Variants in ZNF678 observed in about 807,000 individuals in gnomAD.
The protein encoded by ZNF678 is hypothetical protein MGC42493.
A neutral mutation model predicts 3.0 loss-of-function variants in ZNF678; 5 were observed. The observed-to-expected ratio is 1.69, with a 90% CI of 0.88 to 3.56. The LOEUF (loss-of-function observed/expected upper bound fraction) is 3.56. ZNF678 is among the 30% of genes most tolerant of loss of function. The pLI is 0.00. For synonymous variants in ZNF678, 218 were observed against 199.6 expected (o/e 1.09, Z -0.78); for missense variants, 593 against 605.0 (o/e 0.98, Z 0.21).
chr1:227,632,079 A>G (rs540467037), intron 1 of ZNF678, among the ~76,000 whole-genome samples: 46 of 152,282 alleles, frequency 3.0e-4, no homozygotes, highest in Admixed American at 1.6e-3. Context: ...TGGGAGAGCA[A>G]TCTTCCTAGC....
intron 3 of ZNF678, among the ~76,000 whole-genome samples, chr1:227,653,500 T>G (rs1039396606): frequency 2.0e-5 from 3 of 152,124 alleles, no homozygotes; most frequent in African/African-American, 7.2e-5. Context: ...TTATTTTGTT[T>G]CCTTGATTGG....
In ZNF678 at chr1:227,638,961, A is replaced by C. The variant is rs989502762; in HGVS notation, c.-163-7583A>C. Reference sequence around the variant, plus strand: ...TGGCCTACTTGCCACCATCAGGGTTACCACTTGGCTCGGATGAAGCGATGG... The same window carrying C: ...TGGCCTACTTGCCACCATCAGGGTTCCCACTTGGCTCGGATGAAGCGATGG... On this transcript the variant is annotated intron_variant, in intron 1 of 3. Transcript: ENST00000343776. This position sits in a 1 kb window ranked among gnomAD's most constrained non-coding sequence, Gnocchi z 4.2. Among the ~76,000 whole-genome samples, 1 of 152,182 alleles carries C rather than the reference A, an allele frequency of 6.6e-6. No individual in the cohort carries two copies. The highest frequency in any genetic ancestry group is 2.4e-5 in the African/African-American group (1 of 41,440).
chr1:227,622,809 G>A (rs1045876076), intron 1 of ZNF678, among the ~76,000 whole-genome samples: 1 of 152,136 alleles, frequency 6.6e-6, no homozygotes, highest in African/African-American at 2.4e-5. Flanking sequence ...AATTCTCTAG[G>A]AGCCCCCAGC....
At chr1:227,617,278 C>T (rs1048772950) in intron 1 of ZNF678, among the ~76,000 whole-genome samples, 3 of 152,188 alleles carry the variant, frequency 2.0e-5, no homozygotes, top group Non-Finnish European at 4.4e-5. Context: ...AGCAGCACTC[C>T]ATTATCAAAT....
At chr1:227,633,122 G>A (rs1402410604) in intron 1 of ZNF678, among the ~76,000 whole-genome samples, 5 of 152,174 alleles carry the variant, frequency 3.3e-5, no homozygotes, top group African/African-American at 9.7e-5. Context: ...ACACCCTGCC[G>A]GATCCGGAGG....
In ZNF678 at chr1:227,638,453, G is replaced by T. The variant is rs1658735925; in HGVS notation, c.-163-8091G>T. On this transcript the variant is annotated intron_variant, in intron 1 of 3. Coordinates refer to ENST00000343776, the MANE Select transcript of ZNF678 (RefSeq NM_001367909.1). This position sits in a 1 kb window ranked among gnomAD's most constrained non-coding sequence, Gnocchi z 4.2. The stretch of plus-strand genomic sequence containing the variant: ...GGAGGTGAGAAACGATAGGCTTTAG[G>T]CCTACAAGAGCTGCTTGGGGGATGG... 6.6e-6 allele frequency among the ~76,000 whole-genome samples: 1 copy of T among 152,190 alleles called. No homozygotes were observed. Among genetic ancestry groups the T allele is most frequent in the African/African-American group, 2.4e-5 (1 of 41,436 alleles).
rs1290296229 is a variant in ZNF678 at position 227,659,382 on chromosome 1, C to T, written c.*3554C>T. 6.6e-6 allele frequency: 1 copy of T among 152,066 alleles called. No individual in the cohort carries two copies. The highest frequency in any genetic ancestry group is 1.5e-5 in the Non-Finnish European group (1 of 68,008). 9.4% of individuals were successfully genotyped at this position (152,066 alleles called of 1,614,324 possible). A position where few individuals can be genotyped will look rare whatever the true frequency, so the allele number is the denominator to read the frequency against. On this transcript the variant is annotated 3_prime_UTR_variant, in exon 4 of 4. Transcript: ENST00000343776. ...AGAGAGCTTTTGGATTGAAATATTT[C>T]CTTGGTGATTTTGGATGCAAACCTG...
At chr1:227,604,571 G>A (rs896561991) in intron 1 of ZNF678, among the ~76,000 whole-genome samples, 1 of 151,988 alleles carries the variant, frequency 6.6e-6, no homozygotes, top group Non-Finnish European at 1.5e-5. Flanking sequence ...GTATTTTTTA[G>A]TAGAGATGGG....
intron 1 of ZNF678, among the ~76,000 whole-genome samples, chr1:227,596,644 C>T (rs992723458): frequency 2.6e-5 from 4 of 152,204 alleles, no homozygotes; most frequent in African/African-American, 7.2e-5. Context: ...GAGGGGTGGT[C>T]TCCTCCCTTA....
At chr1:227,640,692 C>G (rs12138942) in intron 1 of ZNF678, among the ~76,000 whole-genome samples, 1 of 151,872 alleles carries the variant, frequency 6.6e-6, no homozygotes, top group South Asian at 2.1e-4. Flanking sequence ...CAGGCTGTAT[C>G]GCAAAAAAAG....
At chr1:227,606,736 T>G (rs1297844938) in intron 1 of ZNF678, among the ~76,000 whole-genome samples, 1 of 152,134 alleles carries the variant, frequency 6.6e-6, no homozygotes, top group Non-Finnish European at 1.5e-5. Context: ...CTTTCTGCAG[T>G]GCATCGTGTC....
rs891073249 is a variant in ZNF678 at position 227,662,432 on chromosome 1, G to A, written c.*6604G>A. 2.0e-5 allele frequency: 3 copies of A among 152,078 alleles called. No homozygotes were observed. Among genetic ancestry groups the A allele is most frequent in the African/African-American group, 7.2e-5 (3 of 41,416 alleles). 9.4% of individuals were successfully genotyped at this position (152,078 alleles called of 1,614,324 possible). On this transcript the variant is annotated 3_prime_UTR_variant, in exon 4 of 4. Coordinates refer to ENST00000343776, the MANE Select transcript of ZNF678 (RefSeq NM_001367909.1). Reference sequence around the variant, plus strand: ...TTGGAAAGAATACACAGAGCAAGATGATTTACAATAAACCTTTTGACCTAA... The same window carrying A: ...TTGGAAAGAATACACAGAGCAAGATAATTTACAATAAACCTTTTGACCTAA...
intron 1 of ZNF678, among the ~76,000 whole-genome samples, chr1:227,632,143 C>T (rs1021746959): frequency 1.3e-5 from 2 of 152,178 alleles, no homozygotes; most frequent in African/African-American, 2.4e-5. Flanking sequence ...TCCCACATAA[C>T]TGCCTATGTC....
chr1:227,584,594 A>G (rs1422552910), intron 1 of ZNF678, among the ~76,000 whole-genome samples: 1 of 152,264 alleles, frequency 6.6e-6, no homozygotes, highest in Non-Finnish European at 1.5e-5. Flanking sequence ...ATAATGAGAA[A>G]CACTTTATTC....
intron 1 of ZNF678, among the ~76,000 whole-genome samples, chr1:227,644,420 T>C (rs1042144852): frequency 1.3e-5 from 2 of 152,198 alleles, no homozygotes; most frequent in Admixed American, 1.3e-4. Context: ...TGCCCAGACA[T>C]TGTGGTCCTC....
At chr1:227,641,389 T>G (rs1361586499) in intron 1 of ZNF678, among the ~76,000 whole-genome samples, 2 of 152,208 alleles carry the variant, frequency 1.3e-5, no homozygotes, top group East Asian at 3.8e-4. Context: ...GTCTTCTACT[T>G]TTTTCATTAC....
chr1:227,672,371 C>T (rs971616686), intron 5 of ZNF678, among the ~76,000 whole-genome samples: 10 of 151,910 alleles, frequency 6.6e-5, no homozygotes, highest in South Asian at 2.1e-4. Context: ...GCAGGGAAGA[C>T]GAAGGGCCCA....
chr1:227,577,820 C>T (rs1180525240), intron 1 of ZNF678, among the ~76,000 whole-genome samples: 1 of 152,082 alleles, frequency 6.6e-6, no homozygotes, highest in Non-Finnish European at 1.5e-5. Context: ...CATGTGGTTG[C>T]TTTATAGTGT....
In ZNF678 at chr1:227,659,955, CCTAG is replaced by C. The variant is rs368888185; in HGVS notation, c.*4131_*4134del. The C allele has an allele frequency of 1.5e-3, 231 of 152,114 alleles. No homozygotes were observed. The highest frequency in any genetic ancestry group is 5.4e-3 in the African/African-American group (223 of 41,544). The allele number at this position is 152,114 out of a possible 1,614,324, so 9.4% of individuals were successfully genotyped here. On this transcript the variant is annotated 3_prime_UTR_variant, in exon 4 of 4. Transcript: ENST00000343776. ...CAATAGGTCTCTTGAACTAATTCCT[CCTAG>C]CTAACAGGCATTGTTTATCATTTAA... is the stretch of plus-strand genomic sequence containing the variant.
Sources: gnomAD v4.1 joint callset for allele counts (sites outside exome capture counted in the v4.1 genomes callset) on GRCh38, gnomAD v4.1.1 for gene constraint, Gnocchi (gnomAD v3.1) non-coding constraint, MANE v1.5 for transcripts, NCBI Gene and HGNC (gene_info 2026-07-23, HGNC 2026-07-21) for gene names.